The following GPR139 variants were observed in gnomAD, a reference collection of about 807,000 sequenced individuals.
GPR139 encodes probable G protein-coupled receptor 139.
GPR139 carries 12 observed loss-of-function variants against 25.8 expected under a neutral mutation model. The observed-to-expected ratio is 0.47, with a 90% CI of 0.30 to 0.75. The LOEUF (loss-of-function observed/expected upper bound fraction) is 0.75. GPR139 is among the 30% of genes least tolerant of loss of function. GPR139 has a pLI of 0.07. For synonymous variants in GPR139, 184 were observed against 179.9 expected (o/e 1.02, Z -0.18); for missense variants, 380 against 450.2 (o/e 0.84, Z 1.41).
chr16:20,065,054 C>CT (rs998898523), intron 1 of GPR139, among the ~76,000 whole-genome samples: 143 of 151,606 alleles, frequency 9.4e-4, no homozygotes, highest in African/African-American at 3.2e-3. Context: ...GATTCTTCTT[C>CT]TTTTTTTTTC....
chr16:20,041,284 A>G, intron 1 of GPR139, among the ~76,000 whole-genome samples: 1 of 141,810 alleles, frequency 7.1e-6, no homozygotes, highest in Non-Finnish European at 1.5e-5. Context: ...CTCTCTGACA[A>G]AGTTGCCATC....
rs2057288471 is a variant in GPR139, at chr16:20,031,581, A to G, written c.*154T>C. 4 of 642,928 alleles carry G rather than the reference A, an allele frequency of 6.2e-6. No homozygotes were observed. Among genetic ancestry groups the G allele is most frequent in the African/African-American group, 5.5e-5 (3 of 55,000 alleles). 39.8% of individuals were successfully genotyped at this position (642,928 alleles called of 1,614,324 possible). On this transcript the variant is annotated 3_prime_UTR_variant, in exon 2 of 2. Coordinates refer to ENST00000570682, the MANE Select transcript of GPR139 (RefSeq NM_001002911.4). The stretch of plus-strand genomic sequence containing the variant: ...TTCATGCTCTCCTTTCTTCTCTTCC[A>G]TCTCTTCTCATCTACCAGTCTGAGA...
At chr16:20,058,414 C>T (rs1026016327) in intron 1 of GPR139, among the ~76,000 whole-genome samples, 1 of 151,794 alleles carries the variant, frequency 6.6e-6, no homozygotes, top group African/African-American at 2.4e-5. Flanking sequence ...ACTCAAATTC[C>T]TACAGGGGCA....
rs1337462285 is a variant in GPR139, at chr16:20,032,261, A to G, written c.536T>C (p.Val179Ala). 1 of 1,614,182 alleles carries G rather than the reference A, an allele frequency of 6.2e-7. No homozygotes were observed. The change falls in exon 2 of 2, where the codon GTG (valine) becomes GCG (alanine). Residue 179 changes from valine (V) to alanine (A), a missense_variant. Coordinates refer to ENST00000570682, the MANE Select transcript of GPR139 (RefSeq NM_001002911.4). ...IWTEDYISTS[V>A]HHVLIWIHCF... Reference sequence around the variant, plus strand: ...GTGGATCCAGATGAGGACGTGATGCACAGAGGTGCTGATGTAGTCTTCAGT... The same window carrying G: ...GTGGATCCAGATGAGGACGTGATGCGCAGAGGTGCTGATGTAGTCTTCAGT...
intron 1 of GPR139, among the ~76,000 whole-genome samples, chr16:20,042,041 A>T (rs1166650863): frequency 1.3e-5 from 2 of 152,142 alleles, no homozygotes; most frequent in East Asian, 3.9e-4. Context: ...CGCTGTCTGG[A>T]GGCAGCCAGT....
Position 20,029,199 on chromosome 16 carries a change from T to C in GPR139, c.*2536A>G, listed in dbSNP as rs1184048103. ...TAAAATATATTCGGAGGAAAAGAGA[T>C]CACAATACCACGTGGTAGAGCCTCT... On this transcript the variant is annotated 3_prime_UTR_variant, in exon 2 of 2. Transcript: ENST00000570682. Among the ~76,000 whole-genome samples, 1 of 152,006 alleles carries C rather than the reference T, an allele frequency of 6.6e-6. No individual in the cohort carries two copies. The highest frequency in any genetic ancestry group is 1.5e-5 in the Non-Finnish European group (1 of 68,008).
At chr16:20,038,329 A>ATCTGTGTG (rs1295913117) in intron 1 of GPR139, among the ~76,000 whole-genome samples, 5 of 95,956 alleles carry the variant, frequency 5.2e-5, no homozygotes, top group African/African-American at 1.6e-4. Context: ...TAATATATAT[A>ATCTGTGTG]TGTGTGTGTG....
At chr16:20,057,399 T>C (rs2057393268) in intron 1 of GPR139, among the ~76,000 whole-genome samples, 1 of 152,178 alleles carries the variant, frequency 6.6e-6, no homozygotes, top group Non-Finnish European at 1.5e-5. Context: ...ATGGTGGTGA[T>C]GATGGTGATG....
intron 1 of GPR139, among the ~76,000 whole-genome samples, chr16:20,039,654 A>C (rs2057323499): frequency 1.3e-5 from 2 of 152,202 alleles, no homozygotes; most frequent in Non-Finnish European, 2.9e-5. Flanking sequence ...CAGAGAGGTT[A>C]AGTAACTTGT....
chr16:20,032,164 C>T lies in GPR139; in HGVS notation c.633G>A (p.Arg211=), dbSNP rs1422679333. The T allele has an allele frequency of 2.5e-6, 4 of 1,614,158 alleles. No individual in the cohort carries two copies. The highest frequency in any genetic ancestry group is 2.5e-6 in the Non-Finnish European group (3 of 1,180,034). ...CACGGAGACGAAAATTGCTCTTCCT[C>T]CTGAGCTTGTACACAATGATTGAGT... ...ILNSIIVYKL[R]RKSNFRLRGY... Residue 211 remains arginine (R), a synonymous_variant, in exon 2 of 2, where the codon AGG becomes AGA. Coordinates refer to ENST00000570682, the MANE Select transcript of GPR139 (RefSeq NM_001002911.4).
chr16:20,031,911 C>G lies in GPR139; in HGVS notation c.886G>C (p.Ala296Pro). The change falls in exon 2 of 2, where the codon GCA becomes CCA. Residue 296 changes from alanine (A) to proline (P), a missense_variant. Transcript: ENST00000570682. ...AAGAAAGCCTTGAGCGTGGCGGCTGCCATGGTGCGGAACCGCTTGCTGATG... is the reference window on the plus strand; with the variant it reads ...AAGAAAGCCTTGAGCGTGGCGGCTGGCATGGTGCGGAACCGCTTGCTGATG... ...CFISKRFRTM[A>P]AATLKAFFKC... 6.2e-7 allele frequency: 1 copy of G among 1,614,214 alleles called. No individual in the cohort carries two copies. The highest frequency in any genetic ancestry group is 8.5e-7 in the Non-Finnish European group (1 of 1,180,046).
chr16:20,060,925 G>T (rs1454291938), intron 1 of GPR139, among the ~76,000 whole-genome samples: 1 of 152,098 alleles, frequency 6.6e-6, no homozygotes, highest in South Asian at 2.1e-4. Flanking sequence ...CTTGAGGGGA[G>T]CTTTCCTTGA....
intron 1 of GPR139, among the ~76,000 whole-genome samples, chr16:20,051,072 A>AAAAAAAAAAAAAAAG (rs542691880): frequency 6.9e-6 from 1 of 145,552 alleles, no homozygotes; most frequent in Non-Finnish European, 1.5e-5. Flanking sequence ...CAAAAAAAAA[A>AAAAAAAAAAAAAAAG]AAAGAAAGAA....
intron 1 of GPR139, among the ~76,000 whole-genome samples, chr16:20,042,783 C>T (rs1350209103): frequency 1.3e-5 from 2 of 151,952 alleles, no homozygotes; most frequent in African/African-American, 4.8e-5. Context: ...GGATCCTTTT[C>T]AAAGCTAGAA....
At chr16:20,067,804 C>CAAAAAAA (rs35387821) in intron 1 of GPR139, among the ~76,000 whole-genome samples, 5 of 68,668 alleles carry the variant, frequency 7.3e-5, no homozygotes, top group African/African-American at 5.9e-5. Flanking sequence ...AACTCCATCT[C>CAAAAAAA]AAAAAAAAAA....
chr16:20,044,945 T>C (rs569304385), intron 1 of GPR139, among the ~76,000 whole-genome samples: 6 of 152,120 alleles, frequency 3.9e-5, no homozygotes, highest in Non-Finnish European at 5.9e-5. Context: ...GTTCCCTTTA[T>C]TGAGCACTGA....
Position 20,030,387 on chromosome 16 carries a change from A to G in GPR139, c.*1348T>C, listed in dbSNP as rs1320449709. Among the ~76,000 whole-genome samples, 3 of 151,120 alleles carry G rather than the reference A, an allele frequency of 2.0e-5. No homozygotes were observed. In the Admixed American group the frequency reaches 2.0e-4, roughly 10 times the overall value. On this transcript the variant is annotated 3_prime_UTR_variant, in exon 2 of 2. Coordinates refer to ENST00000570682, the MANE Select transcript of GPR139 (RefSeq NM_001002911.4). ...GGAATCTGAGGGAGAAGTTAAAAAA[A>G]AAAGAAGAAAAAAGAAACACTAAAT...
chr16:20,055,702 G>A (rs1486354277), intron 1 of GPR139, among the ~76,000 whole-genome samples: 3 of 152,204 alleles, frequency 2.0e-5, no homozygotes, highest in African/African-American at 4.8e-5. Flanking sequence ...AGAGATGACT[G>A]CTTTCATGGA....
intron 1 of GPR139, among the ~76,000 whole-genome samples, chr16:20,052,713 C>T (rs1567238230): frequency 1.4e-5 from 2 of 147,732 alleles, no homozygotes; most frequent in South Asian, 2.3e-4. Context: ...AGGAGAATGG[C>T]GTGAACCGGG....
Sources: gnomAD v4.1 joint callset for allele counts (sites outside exome capture counted in the v4.1 genomes callset) on GRCh38, gnomAD v4.1.1 for gene constraint, MANE v1.5 for transcripts, NCBI Gene and HGNC (gene_info 2026-07-23, HGNC 2026-07-21) for gene names.